Variants in SP140 observed in about 807,000 individuals in gnomAD.
SP140 encodes the protein SP140 nuclear body protein.
Under a neutral mutation model 125.0 loss-of-function variants are expected in SP140, and 81 were observed. The observed-to-expected ratio is 0.65, with a 90% CI of 0.54 to 0.78. The LOEUF (loss-of-function observed/expected upper bound fraction) is 0.78. Among genes scored for constraint, SP140 ranks in the 30% least tolerant of loss-of-function variants. The pLI is 0.00. For missense variants in SP140, 858 were observed against 1,037.0 expected (o/e 0.83, Z 2.37); for synonymous variants, 312 against 354.0 (o/e 0.88, Z 1.33).
At chr2:230,203,158 CA>C (rs1003103684) in exon 1 of SP140, 1 of 224,362 alleles carries the variant, frequency 4.5e-6, no homozygotes, top group African/African-American at 2.3e-5. Flanking sequence ...CTTCAGTGGG[CA>C]AAGTGCAAGG....
At chr2:230,289,103 A>G (rs1251845019) in intron 18 of SP140, among the ~76,000 whole-genome samples, 2 of 152,120 alleles carry the variant, frequency 1.3e-5, no homozygotes, top group Non-Finnish European at 1.5e-5. Context: ...AAGCTTACCT[A>G]TTTCTCCACA....
chr2:230,208,680 A>G (rs1048917922), intron 1 of SP140, among the ~76,000 whole-genome samples: 1 of 152,216 alleles, frequency 6.6e-6, no homozygotes, highest in Admixed American at 6.5e-5. Context: ...TGCAGGAAGT[A>G]GCATTGTCAC....
chr2:230,219,878 A>G, intron 3 of SP140: 2 of 977,846 alleles, frequency 2.0e-6, no homozygotes, highest in African/African-American at 3.5e-5. Flanking sequence ...ACTCACCTGG[A>G]CTTTGAGTTT....
intron 19 of SP140, among the ~76,000 whole-genome samples, chr2:230,291,661 C>T (rs1006008978): frequency 2.6e-5 from 4 of 152,158 alleles, no homozygotes; most frequent in African/African-American, 9.7e-5. Context: ...TGTTTATAAA[C>T]TCATCATTTG....
the SP140 span, among the ~76,000 whole-genome samples, chr2:230,194,881 G>C: frequency 6.6e-6 from 1 of 152,172 alleles, no homozygotes; most frequent in South Asian, 2.1e-4. Flanking sequence ...TGTTAGGTTT[G>C]CTCTTCCTTT....
intron 22 of SP140, among the ~76,000 whole-genome samples, chr2:230,301,402 A>C (rs73106385): frequency 6.6e-6 from 1 of 152,192 alleles, no homozygotes; most frequent in Non-Finnish European, 1.5e-5. Context: ...GCTAAACTAC[A>C]AAGGAAAACT....
the SP140 span, chr2:230,186,278 C>T: frequency 1.3e-6 from 1 of 796,550 alleles, no homozygotes; most frequent in Non-Finnish European, 2.0e-6. Flanking sequence ...CCCCCAGACT[C>T]ATAATACTTC....
intron 1 of SP140, chr2:230,212,854 G>A: frequency 1.9e-6 from 3 of 1,614,090 alleles, no homozygotes; most frequent in Non-Finnish European, 2.5e-6. Context: ...TCGCTTTGCT[G>A]GGAGGATGTT....
At chr2:230,195,011 C>A in the SP140 span, among the ~76,000 whole-genome samples, 1 of 151,720 alleles carries the variant, frequency 6.6e-6, no homozygotes, top group African/African-American at 2.4e-5. Flanking sequence ...TGATAAACAC[C>A]AAGAGAGTAA....
intron 20 of SP140, among the ~76,000 whole-genome samples, chr2:230,293,525 T>C (rs1163476651): frequency 6.6e-6 from 1 of 151,826 alleles, no homozygotes; most frequent in Non-Finnish European, 1.5e-5. Flanking sequence ...TTAGTAGAAA[T>C]GGGGTTTTGT....
chr2:230,214,866 C>T, intron 3 of SP140: 1 of 1,122,062 alleles, frequency 8.9e-7, no homozygotes, highest in Non-Finnish European at 1.4e-6. Context: ...GATTAACGTG[C>T]ATATTCCACA....
chr2:230,234,068 A>G (rs1221851473), intron 1 of SP140, among the ~76,000 whole-genome samples: 1 of 152,234 alleles, frequency 6.6e-6, no homozygotes, highest in Non-Finnish European at 1.5e-5. Flanking sequence ...TTCCTCTACA[A>G]TAAGGCTTTA....
At chr2:230,288,111 T>C (rs767667468) in intron 18 of SP140, 145 bp downstream of exon 18, 1 of 707,458 alleles carries the variant, frequency 1.4e-6, no homozygotes, top group Non-Finnish European at 2.2e-6. Context: ...ATTTAGTCAT[T>C]TTCCAAAATG....
intron 7 of SP140, 77 bp downstream of exon 7, chr2:230,246,017 TC>T: frequency 1.2e-6 from 1 of 822,592 alleles, no homozygotes; most frequent in Non-Finnish European, 2.1e-6. Context: ...CCCTTCCCAT[TC>T]CCCCATCTAT....
rs1275239409 is a variant in SP140 at position 230,216,886 on chromosome 2, C to T, written c.-91+2812C>T. 6.2e-7 allele frequency: 1 copy of T among 1,613,854 alleles called. No individual in the cohort carries two copies. The highest frequency in any genetic ancestry group is 1.3e-5 in the African/African-American group (1 of 74,898). On this transcript the variant is annotated intron_variant, in intron 3 of 4. Coordinates refer to the SP140 transcript ENST00000456542. Reference sequence around the variant, plus strand: ...TCCCCAGCTTCTGGTGCATGAAGTGCTGAAAAAGAGCCTCTTCCATGGCTC... The same window carrying T: ...TCCCCAGCTTCTGGTGCATGAAGTGTTGAAAAAGAGCCTCTTCCATGGCTC...
chr2:230,223,637 T>G (rs1251045616), upstream of SP140, among the ~76,000 whole-genome samples: 4 of 152,222 alleles, frequency 2.6e-5, no homozygotes, highest in African/African-American at 9.7e-5. Context: ...CTGGGATTGG[T>G]TATCTGACAT....
At chr2:230,277,913 TAAC>T (rs1204152488) in intron 15 of SP140, among the ~76,000 whole-genome samples, 1 of 152,158 alleles carries the variant, frequency 6.6e-6, no homozygotes, top group African/African-American at 2.4e-5. Context: ...TTCTATGTCT[TAAC>T]TACTGTGAAT....
At chr2:230,281,913 A>G (rs2055624981) in intron 15 of SP140, among the ~76,000 whole-genome samples, 2 of 152,180 alleles carry the variant, frequency 1.3e-5, no homozygotes, top group East Asian at 3.8e-4. Context: ...ATAAATACCT[A>G]GAAACAAAAT....
At position 230,237,122 on chromosome 2, in the gene SP140, G is replaced by A. The variant is rs1559224633; in HGVS notation, c.99G>A (p.Leu33=). 6.2e-7 allele frequency: 1 copy of A among 1,610,070 alleles called. No individual in the cohort carries two copies. Among genetic ancestry groups the A allele is most frequent in the Non-Finnish European group, 8.5e-7 (1 of 1,178,814 alleles). Residue 33 remains leucine (L), a synonymous_variant, in exon 2 of 27, where the codon CTG becomes CTA. Transcript: ENST00000392045. This position sits in a 1 kb window ranked among gnomAD's most constrained non-coding sequence, Gnocchi z 5.4. ...TCCAGAACGTAGAGGGTCAGAACCT[G>A]CAGGAGCAGGTTTGCCCTGAGCCCA... ...AEIQNVEGQN[L]QEQVCPEPIF... is the part of the protein sequence containing the mutation.
Sources: gnomAD v4.1 joint callset for allele counts (sites outside exome capture counted in the v4.1 genomes callset) on GRCh38, gnomAD v4.1.1 for gene constraint, Gnocchi (gnomAD v3.1) non-coding constraint, MANE v1.5 for transcripts, NCBI Gene and HGNC (gene_info 2026-07-23, HGNC 2026-07-21) for gene names.